Variants in MAP2K5 observed in about 807,000 individuals in gnomAD.
MAP2K5 encodes the protein mitogen-activated protein kinase kinase 5, also known as dual specificity mitogen-activated protein kinase kinase 5.
Under a neutral mutation model 83.1 loss-of-function variants are expected in MAP2K5, and 49 were observed. The ratio of observed to expected loss-of-function variants is 0.59; its 90% CI spans 0.47 to 0.75. The LOEUF (loss-of-function observed/expected upper bound fraction) is 0.75, where lower values mean the gene tolerates loss of function less well. MAP2K5 is among the 30% of genes least tolerant of loss of function. MAP2K5 has a pLI of 0.00. For synonymous variants in MAP2K5, 202 were observed against 191.8 expected (o/e 1.05, Z -0.44); for missense variants, 457 against 557.5 (o/e 0.82, Z 1.82).
intron 8 of MAP2K5, among the ~76,000 whole-genome samples, chr15:67,620,111 C>T (rs569284883): frequency 6.6e-6 from 1 of 152,302 alleles, no homozygotes; most frequent in South Asian, 2.1e-4. Context: ...GCGGCTAACG[C>T]CTGTAATCCC....
intron 7 of MAP2K5, among the ~76,000 whole-genome samples, chr15:67,599,353 G>T (rs2085600807): frequency 6.6e-6 from 1 of 152,102 alleles, no homozygotes; most frequent in Non-Finnish European, 1.5e-5. Context: ...ATTAAATTGG[G>T]TGCTGGATTG....
intron 8 of MAP2K5, among the ~76,000 whole-genome samples, chr15:67,621,434 G>GAAAA (rs11449678): frequency 8.4e-6 from 1 of 118,954 alleles, no homozygotes; most frequent in South Asian, 2.9e-4. Context: ...ACAAAAGTTT[G>GAAAA]AAAAAAAAAA....
intron 9 of MAP2K5, among the ~76,000 whole-genome samples, chr15:67,635,322 C>T (rs1048235253): frequency 6.6e-6 from 1 of 151,822 alleles, no homozygotes; most frequent in African/African-American, 2.4e-5. Context: ...CTACAGGCGC[C>T]TGCCACCACG....
chr15:67,660,097 C>G (rs534161675), intron 12 of MAP2K5, among the ~76,000 whole-genome samples: 1 of 151,840 alleles, frequency 6.6e-6, no homozygotes, highest in African/African-American at 2.4e-5. Flanking sequence ...AGGGGTTTTC[C>G]CCCCTAAATA....
chr15:67,658,490 A>T (rs572735194), intron 11 of MAP2K5, 63 bp from the exon 12 acceptor site: 7 of 1,256,464 alleles, frequency 5.6e-6, no homozygotes, highest in Middle Eastern at 1.9e-4. Context: ...AACACACAGG[A>T]GAAGCCCAGT....
chr15:67,760,906 T>C lies in MAP2K5; in HGVS notation c.1135-8696T>C, dbSNP rs1360143538. Among the ~76,000 whole-genome samples the C allele has an allele frequency of 6.6e-6, 1 of 152,170 alleles. No homozygotes were observed. The highest frequency in any genetic ancestry group is 2.4e-5 in the African/African-American group (1 of 41,448). On this transcript the variant is annotated intron_variant, in intron 19 of 21. Transcript: ENST00000178640. This position sits in a 1 kb window ranked among gnomAD's most constrained non-coding sequence, Gnocchi z 4.1. ...GGGTCAGTTACCCAGCAGCTTGGGCTGGGGGCACTGCTCTGCTTCACTGCC... is the reference window on the plus strand; with the variant it reads ...GGGTCAGTTACCCAGCAGCTTGGGCCGGGGGCACTGCTCTGCTTCACTGCC...
At chr15:67,804,833 G>A (rs1234304717) in intron 21 of MAP2K5, among the ~76,000 whole-genome samples, 2 of 152,214 alleles carry the variant, frequency 1.3e-5, no homozygotes, top group East Asian at 3.9e-4. Flanking sequence ...TGGACTTTGG[G>A]AAGGATTTCC....
chr15:67,723,473 C>T (rs2089016946), intron 16 of MAP2K5, among the ~76,000 whole-genome samples: 1 of 152,180 alleles, frequency 6.6e-6, no homozygotes. Flanking sequence ...ACTGGTAACA[C>T]TTCAGACCAT....
In MAP2K5 at chr15:67,764,822, C is replaced by G. The variant is rs761307065; in HGVS notation, c.1135-4780C>G. ...TAGTCCTAAGGAATATTTTTTTAAG[C>G]AAAAGGCCCTTAACTTTTTTCCAGT... is the stretch of plus-strand genomic sequence containing the variant. On this transcript the variant is annotated intron_variant, in intron 19 of 21. Coordinates refer to ENST00000178640, the MANE Select transcript of MAP2K5 (RefSeq NM_145160.3). This position sits in a 1 kb window ranked among gnomAD's most constrained non-coding sequence, Gnocchi z 4.9. 3.9e-5 allele frequency among the ~76,000 whole-genome samples: 6 copies of G among 152,116 alleles called. No homozygotes were observed. Among genetic ancestry groups the G allele is most frequent in the Non-Finnish European group, 8.8e-5 (6 of 68,014 alleles).
chr15:67,600,734 G>A lies in MAP2K5; in HGVS notation c.530G>A (p.Gly177Glu). 6.2e-7 allele frequency: 1 copy of A among 1,608,412 alleles called. No homozygotes were observed. Among genetic ancestry groups the A allele is most frequent in the Non-Finnish European group, 8.5e-7 (1 of 1,178,280 alleles). ...RYRDTLGHGN[G>E]GTVYKAYHVP... ...CGGGACACTCTTGGTCATGGCAACG[G>A]AGGCACAGTCTACAAGTGAGTAGTC... is the stretch of plus-strand genomic sequence containing the variant. Residue 177 changes from glycine (G) to glutamate (E), a missense_variant, in exon 8 of 22, where the codon GGA becomes GAA. Transcript: ENST00000178640.
At chr15:67,735,194 C>T (rs1011364670) in intron 17 of MAP2K5, among the ~76,000 whole-genome samples, 1 of 152,096 alleles carries the variant, frequency 6.6e-6, no homozygotes, top group African/African-American at 2.4e-5. Flanking sequence ...ATTTGCTTAG[C>T]CTATGCCAGA....
At chr15:67,791,070 C>T (rs562684183) in intron 21 of MAP2K5, among the ~76,000 whole-genome samples, 1 of 152,358 alleles carries the variant, frequency 6.6e-6, no homozygotes, top group Non-Finnish European at 1.5e-5. Context: ...ACCTGTGAGA[C>T]ATCCGAGCTG....
intron 11 of MAP2K5, among the ~76,000 whole-genome samples, chr15:67,657,445 G>C (rs1194131656): frequency 6.6e-6 from 1 of 152,000 alleles, no homozygotes; most frequent in Admixed American, 6.6e-5. Context: ...TTATCTGAAA[G>C]ATCAATGAGA....
chr15:67,662,177 G>A (rs1453179750), intron 12 of MAP2K5, among the ~76,000 whole-genome samples: 1 of 152,028 alleles, frequency 6.6e-6, no homozygotes, highest in Non-Finnish European at 1.5e-5. Flanking sequence ...CACCCTTTGA[G>A]AACAATTAAA....
chr15:67,670,240 T>C (rs948904876), intron 13 of MAP2K5, among the ~76,000 whole-genome samples: 1 of 152,126 alleles, frequency 6.6e-6, no homozygotes, highest in Admixed American at 6.6e-5. Flanking sequence ...AAAGGCAGAA[T>C]ACATACATGG....
At chr15:67,549,601 C>T (rs916639552) in intron 1 of MAP2K5, among the ~76,000 whole-genome samples, 1 of 152,156 alleles carries the variant, frequency 6.6e-6, no homozygotes, top group Non-Finnish European at 1.5e-5. Flanking sequence ...TTACCAGACC[C>T]ATTTTGGAGG....
chr15:67,740,447 G>A (rs529521955), intron 17 of MAP2K5, among the ~76,000 whole-genome samples: 6 of 152,090 alleles, frequency 3.9e-5, no homozygotes, highest in African/African-American at 9.6e-5. Flanking sequence ...GTGACAACTT[G>A]TCTTCACATG....
intron 7 of MAP2K5, among the ~76,000 whole-genome samples, chr15:67,594,212 C>T (rs1026543255): frequency 2.6e-5 from 4 of 152,062 alleles, no homozygotes; most frequent in East Asian, 1.9e-4. Context: ...TAGTATTTAT[C>T]GAATACCTTT....
chr15:67,634,741 A>AT (rs1286267992), intron 9 of MAP2K5, among the ~76,000 whole-genome samples: 1 of 151,874 alleles, frequency 6.6e-6, no homozygotes, highest in Non-Finnish European at 1.5e-5. Flanking sequence ...TCTAGGCTTC[A>AT]TTTTGACAAG....
Sources: gnomAD v4.1 joint callset for allele counts (sites outside exome capture counted in the v4.1 genomes callset) on GRCh38, gnomAD v4.1.1 for gene constraint, Gnocchi (gnomAD v3.1) non-coding constraint, MANE v1.5 for transcripts, NCBI Gene and HGNC (gene_info 2026-07-23, HGNC 2026-07-21) for gene names.